Variants in MAF observed in about 807,000 individuals in gnomAD.
MAF encodes transcription factor Maf.
Under a neutral mutation model 22.0 loss-of-function variants are expected in MAF, and 10 were observed. The ratio of observed to expected loss-of-function variants is 0.45; its 90% CI spans 0.28 to 0.77. The LOEUF is 0.77. MAF is among the 30% of genes least tolerant of loss of function. The pLI, the probability that MAF is intolerant of heterozygous loss-of-function variation, is 0.12. For missense variants in MAF, 544 were observed against 548.4 expected, an observed-to-expected ratio of 0.99 and a Z score of 0.08; for synonymous variants, 337 against 255.8, an observed-to-expected ratio of 1.32 and a Z score of -3.03.
chr16:79,502,178 C>A, the MAF span, among the ~76,000 whole-genome samples: 166 of 152,102 alleles, frequency 1.1e-3, 2 homozygotes, highest in Non-Finnish European at 3.5e-4. Context: ...AAGGTACATA[C>A]GGTGGAAGGA....
chr16:79,344,439 C>T, the MAF span, among the ~76,000 whole-genome samples: 1 of 152,178 alleles, frequency 6.6e-6, no homozygotes, highest in Non-Finnish European at 1.5e-5. Context: ...AATTTTGAAC[C>T]TGGAAGAGGG....
the MAF span, among the ~76,000 whole-genome samples, chr16:79,489,671 C>A: frequency 6.6e-6 from 1 of 152,158 alleles, no homozygotes; most frequent in Non-Finnish European, 1.5e-5. Context: ...AGAGATGGCC[C>A]GAGAAGCTGA....
the MAF span, among the ~76,000 whole-genome samples, chr16:79,333,688 C>T: frequency 2.6e-5 from 4 of 152,232 alleles, no homozygotes; most frequent in African/African-American, 9.6e-5. Context: ...CCCAACATCT[C>T]TCCTGGATCT....
At chr16:79,369,068 A>C in the MAF span, among the ~76,000 whole-genome samples, 1 of 152,230 alleles carries the variant, frequency 6.6e-6, no homozygotes, top group Non-Finnish European at 1.5e-5. Flanking sequence ...ACACACAGCA[A>C]GAGCCCAAGA....
the MAF span, among the ~76,000 whole-genome samples, chr16:79,465,788 G>A: frequency 2.8e-3 from 421 of 152,224 alleles, 2 homozygotes; most frequent in Non-Finnish European, 5.0e-3. Context: ...CTGTAGTAGG[G>A]TCTATCTCCA....
chr16:79,262,303 A>C, the MAF span, among the ~76,000 whole-genome samples: 1 of 152,178 alleles, frequency 6.6e-6, no homozygotes. Flanking sequence ...TCTAAAACTC[A>C]TGTTCTCTCT....
the MAF span, among the ~76,000 whole-genome samples, chr16:79,225,350 C>G: frequency 6.6e-6 from 1 of 152,084 alleles, no homozygotes. Flanking sequence ...ATGCCTTATA[C>G]AAAAATTAAC....
the MAF span, among the ~76,000 whole-genome samples, chr16:79,214,763 A>T: frequency 6.9e-5 from 8 of 115,996 alleles, no homozygotes; most frequent in Admixed American, 8.1e-4. Context: ...CCCAGTCTAG[A>T]GTGCAGTGGC....
chr16:79,429,277 T>C, the MAF span, among the ~76,000 whole-genome samples: 9 of 152,200 alleles, frequency 5.9e-5, no homozygotes, highest in Admixed American at 5.9e-4. Flanking sequence ...TATCCTGCCC[T>C]GCCCATGGGT....
chr16:79,362,458 G>T, the MAF span, among the ~76,000 whole-genome samples: 3 of 152,160 alleles, frequency 2.0e-5, no homozygotes, highest in Non-Finnish European at 2.9e-5. Flanking sequence ...GATCCTTCAT[G>T]TCGAATGTTT....
the MAF span, among the ~76,000 whole-genome samples, chr16:79,431,685 G>T: frequency 1.3e-5 from 2 of 152,122 alleles, no homozygotes; most frequent in Non-Finnish European, 1.5e-5. Context: ...CGACTCAAAG[G>T]CGCCACTTTC....
chr16:79,313,875 C>A, the MAF span, among the ~76,000 whole-genome samples: 6 of 152,154 alleles, frequency 3.9e-5, no homozygotes, highest in Non-Finnish European at 8.8e-5. Context: ...TTTGGAAAGT[C>A]TCACAAACTT....
the MAF span, among the ~76,000 whole-genome samples, chr16:79,545,612 C>T: frequency 2.0e-5 from 3 of 152,060 alleles, no homozygotes; most frequent in Non-Finnish European, 2.9e-5. Context: ...ACCCCCACCC[C>T]CCCACAGAGG....
the MAF span, among the ~76,000 whole-genome samples, chr16:79,314,847 C>T: frequency 6.6e-6 from 1 of 152,212 alleles, no homozygotes; most frequent in Admixed American, 6.5e-5. Context: ...ATGAGCCTCC[C>T]TGAGCCTCCT....
the MAF span, among the ~76,000 whole-genome samples, chr16:79,533,645 A>C: frequency 5.3e-5 from 8 of 152,128 alleles, no homozygotes; most frequent in Non-Finnish European, 4.4e-5. Context: ...GGAATTCCAG[A>C]AACTGAAGGA....
At chr16:79,210,563 A>G in the MAF span, among the ~76,000 whole-genome samples, 4 of 151,836 alleles carry the variant, frequency 2.6e-5, no homozygotes, top group African/African-American at 4.8e-5. Context: ...CTCTCTTGCA[A>G]CCCCTCTCCC....
At chr16:79,598,690 C>G (rs1425370001) in intron 1 of MAF, 95 bp downstream of exon 1, 17 of 1,572,410 alleles carry the variant, frequency 1.1e-5, no homozygotes, top group Non-Finnish European at 1.5e-5. Context: ...GAGGTGGTGG[C>G]GAGCATGGCT....
At chr16:79,587,258 T>G (rs1046973816) in intron 1 of MAF, among the ~76,000 whole-genome samples, 7 of 152,142 alleles carry the variant, frequency 4.6e-5, no homozygotes, top group African/African-American at 1.7e-4. Flanking sequence ...CTTTACGTAT[T>G]AGTATACATT....
the MAF span, among the ~76,000 whole-genome samples, chr16:79,358,261 G>A: frequency 2.0e-5 from 3 of 152,174 alleles, no homozygotes; most frequent in Admixed American, 1.3e-4. Context: ...GGGCTGGGGG[G>A]TCCTGGTCGA....
Sources: allele counts gnomAD v4.1 joint callset (sites outside exome capture counted in the v4.1 genomes callset), GRCh38; gene constraint gnomAD v4.1.1; transcripts MANE v1.5; gene names NCBI Gene and HGNC (gene_info 2026-07-23, HGNC 2026-07-21).